Variants in MACROD2 observed in about 807,000 individuals in gnomAD.
MACROD2 encodes ADP-ribose glycohydrolase MACROD2.
Under a neutral mutation model 70.4 loss-of-function variants are expected in MACROD2, and 36 were observed. That is an observed-to-expected ratio of 0.51 (90% CI 0.39 to 0.68). The LOEUF is 0.68. MACROD2 is among the 30% of genes least tolerant of loss of function. The pLI is 0.00. For synonymous variants in MACROD2, 172 were observed against 178.8 expected, an observed-to-expected ratio of 0.96 and a Z score of 0.30; for missense variants, 496 against 538.4, an observed-to-expected ratio of 0.92 and a Z score of 0.78.
chr20:15,113,178 T>C (rs1331178804), intron 5 of MACROD2, among the ~76,000 whole-genome samples: 1 of 151,802 alleles, frequency 6.6e-6, no homozygotes, highest in Non-Finnish European at 1.5e-5. Flanking sequence ...TTTTTAACTT[T>C]TTGAGGAAAT....
At chr20:15,809,657 C>G (rs1380863857) in intron 8 of MACROD2, among the ~76,000 whole-genome samples, 2 of 152,184 alleles carry the variant, frequency 1.3e-5, no homozygotes, top group Non-Finnish European at 2.9e-5. Flanking sequence ...CATGAAGGGT[C>G]TGCCCCTCTG....
At chr20:15,791,281 T>C (rs2063622387) in intron 8 of MACROD2, among the ~76,000 whole-genome samples, 1 of 151,986 alleles carries the variant, frequency 6.6e-6, no homozygotes, top group African/African-American at 2.4e-5. Flanking sequence ...TCACAAATAC[T>C]CTTCTATTTA....
chr20:15,695,617 G>T (rs1367474427), intron 8 of MACROD2, among the ~76,000 whole-genome samples: 2 of 152,012 alleles, frequency 1.3e-5, no homozygotes, highest in Admixed American at 6.6e-5. Flanking sequence ...CACCATGTTG[G>T]TCAGGCTGGT....
chr20:14,691,186 G>A (rs749330310), intron 5 of MACROD2, among the ~76,000 whole-genome samples: 1 of 152,118 alleles, frequency 6.6e-6, no homozygotes, highest in African/African-American at 2.4e-5. Flanking sequence ...CCAAAGTGTG[G>A]GATTACAGGT....
intron 4 of MACROD2, among the ~76,000 whole-genome samples, chr20:14,529,214 C>A (rs1010399833): frequency 1.3e-5 from 2 of 152,118 alleles, no homozygotes; most frequent in Non-Finnish European, 2.9e-5. Context: ...TAACAAGAAA[C>A]CCAAAAGATT....
chr20:15,810,440 A>C (rs1568573687), intron 8 of MACROD2, among the ~76,000 whole-genome samples: 1 of 151,884 alleles, frequency 6.6e-6, no homozygotes, highest in Non-Finnish European at 1.5e-5. Context: ...GAATCGCCAC[A>C]CTGACTTCCA....
intron 7 of MACROD2, among the ~76,000 whole-genome samples, chr20:15,468,105 T>C (rs1300796685): frequency 6.6e-6 from 1 of 152,166 alleles, no homozygotes; most frequent in Non-Finnish European, 1.5e-5. Context: ...TAAATGTCTT[T>C]TGTAGATAAT....
At position 14,976,274 on chromosome 20, in the gene MACROD2, G is replaced by A. The variant is rs1345667536; in HGVS notation, c.419-253666G>A. On this transcript the variant is annotated intron_variant, in intron 5 of 17. Transcript: ENST00000684519. ...AGTTTCCTTGGGCTAAAGGTGAGGT[G>A]TTGGTGGTGCTGGTTTCTTCTGAAG... is the stretch of plus-strand genomic sequence containing the variant. 5.9e-5 allele frequency among the ~76,000 whole-genome samples: 9 copies of A among 152,318 alleles called. 1 individual carries two copies. The East Asian group carries it at 1.7e-3, about 29-fold the overall frequency.
At chr20:14,749,374 T>C (rs1031842043) in intron 5 of MACROD2, among the ~76,000 whole-genome samples, 7 of 148,692 alleles carry the variant, frequency 4.7e-5, no homozygotes, top group South Asian at 2.1e-4. Context: ...TTTCCTAATA[T>C]ACTAAAAAGA....
At chr20:15,405,739 A>G (rs1166445593) in intron 6 of MACROD2, among the ~76,000 whole-genome samples, 1 of 152,142 alleles carries the variant, frequency 6.6e-6, no homozygotes, top group African/African-American at 2.4e-5. Context: ...CCCGACCTTC[A>G]TAGTCAGGTT....
At chr20:15,833,367 T>C (rs2064078924) in intron 8 of MACROD2, among the ~76,000 whole-genome samples, 1 of 152,222 alleles carries the variant, frequency 6.6e-6, no homozygotes, top group Non-Finnish European at 1.5e-5. Context: ...TCATTAATGC[T>C]TAAGGCTTTA....
intron 8 of MACROD2, among the ~76,000 whole-genome samples, chr20:15,564,286 G>A (rs998634650): frequency 5.3e-5 from 8 of 152,070 alleles, no homozygotes; most frequent in African/African-American, 1.4e-4. Context: ...GCTACCCGAC[G>A]TAACACTGGT....
At chr20:15,732,187 A>G (rs1251506725) in intron 8 of MACROD2, among the ~76,000 whole-genome samples, 1 of 151,830 alleles carries the variant, frequency 6.6e-6, no homozygotes, top group Non-Finnish European at 1.5e-5. Flanking sequence ...GCTGGTGTCC[A>G]TGTGTGCATT....
chr20:15,196,790 C>A, intron 5 of MACROD2: 1 of 842,474 alleles, frequency 1.2e-6, no homozygotes, highest in Non-Finnish European at 1.4e-6. Flanking sequence ...CTTCAGCCAC[C>A]CCATAATATT....
chr20:14,301,584 G>C (rs2082475575), intron 3 of MACROD2, among the ~76,000 whole-genome samples: 1 of 152,162 alleles, frequency 6.6e-6, no homozygotes, highest in Non-Finnish European at 1.5e-5. Flanking sequence ...ATACTGAAAT[G>C]AATGGTGAAT....
intron 3 of MACROD2, among the ~76,000 whole-genome samples, chr20:14,311,892 A>G (rs1365881694): frequency 1.3e-5 from 2 of 152,188 alleles, no homozygotes; most frequent in Non-Finnish European, 2.9e-5. Context: ...TTCAATTTTT[A>G]AGAGTAGGTT....
chr20:15,262,154 T>C (rs1433041278), intron 6 of MACROD2, among the ~76,000 whole-genome samples: 2 of 151,994 alleles, frequency 1.3e-5, no homozygotes, highest in Non-Finnish European at 2.9e-5. Flanking sequence ...TTCTTCTATG[T>C]AACTATATTT....
At chr20:15,680,783 G>A (rs2050149516) in intron 8 of MACROD2, among the ~76,000 whole-genome samples, 2 of 152,162 alleles carry the variant, frequency 1.3e-5, no homozygotes, top group Admixed American at 6.6e-5. Flanking sequence ...AAATGACTAG[G>A]GAGATAAGAT....
intron 6 of MACROD2, among the ~76,000 whole-genome samples, chr20:15,366,969 A>G (rs1290658350): frequency 1.3e-5 from 2 of 151,922 alleles, no homozygotes; most frequent in African/African-American, 4.8e-5. Context: ...TCTATAATCT[A>G]TTAACAGTTT....
Sources: allele counts gnomAD v4.1 joint callset (sites outside exome capture counted in the v4.1 genomes callset), GRCh38; gene constraint gnomAD v4.1.1; transcripts MANE v1.5; gene names NCBI Gene and HGNC (gene_info 2026-07-23, HGNC 2026-07-21).